The following SEC62 variants were observed in gnomAD, a reference collection of about 807,000 sequenced individuals.
The protein encoded by SEC62 is translocation protein SEC62.
Under a neutral mutation model 47.5 loss-of-function variants are expected in SEC62, and 10 were observed. That is an observed-to-expected ratio of 0.21 (90% confidence interval 0.13 to 0.36). The LOEUF (loss-of-function observed/expected upper bound fraction) is 0.36, where lower values mean the gene tolerates loss of function less well. SEC62 is among the 10% of genes least tolerant of loss of function. The pLI, the probability that SEC62 is intolerant of heterozygous loss-of-function variation, is 1.00. For synonymous variants in SEC62, 136 were observed against 150.5 expected, an observed-to-expected ratio of 0.90 and a Z score of 0.71; for missense variants, 327 against 464.1, an observed-to-expected ratio of 0.70 and a Z score of 2.71.
intron 1 of SEC62, among the ~76,000 whole-genome samples, chr3:169,970,249 ATT>A (rs1036810233): frequency 1.4e-4 from 21 of 152,184 alleles, no homozygotes; most frequent in African/African-American, 4.8e-4. Flanking sequence ...TGTAGCACAT[ATT>A]GTTACTAATG....
intron 1 of SEC62, among the ~76,000 whole-genome samples, chr3:169,971,966 TA>T (rs1303911452): frequency 1.3e-5 from 2 of 152,274 alleles, no homozygotes; most frequent in African/African-American, 4.8e-5. Flanking sequence ...CCATTTTATT[TA>T]TCCTTTATCA....
intron 1 of SEC62, among the ~76,000 whole-genome samples, chr3:169,969,732 G>C (rs1013668776): frequency 2.6e-5 from 4 of 152,140 alleles, no homozygotes; most frequent in African/African-American, 4.8e-5. Context: ...TAAAAAATAA[G>C]TTGCTTTGAA....
At chr3:169,980,757 TAGCC>T (rs766392163) in intron 3 of SEC62, among the ~76,000 whole-genome samples, 1 of 152,258 alleles carries the variant, frequency 6.6e-6, no homozygotes, top group Non-Finnish European at 1.5e-5. Context: ...GCTTCGTAGA[TAGCC>T]AGCCACATTA....
At chr3:169,985,765 A>G (rs1383710518) in intron 5 of SEC62, 40 bp from the exon 6 acceptor site, 6 of 1,539,570 alleles carry the variant, frequency 3.9e-6, no homozygotes, top group Non-Finnish European at 5.4e-6. Context: ...CTAATGTGAC[A>G]TTAGAACTTT....
chr3:169,972,381 C>CT (rs1267823390), intron 1 of SEC62, among the ~76,000 whole-genome samples: 3 of 152,040 alleles, frequency 2.0e-5, no homozygotes, highest in Non-Finnish European at 4.4e-5. Context: ...ATCTTTCAAA[C>CT]TTTATCTTCC....
intron 1 of SEC62, among the ~76,000 whole-genome samples, chr3:169,969,805 C>A (rs567908164): frequency 3.3e-5 from 5 of 152,174 alleles, no homozygotes; most frequent in Non-Finnish European, 7.4e-5. Flanking sequence ...CATGACTTGT[C>A]CTTGCTAAAG....
chr3:169,989,189 G>A (rs1024185852), intron 7 of SEC62, among the ~76,000 whole-genome samples: 6 of 149,494 alleles, frequency 4.0e-5, no homozygotes, highest in Admixed American at 1.4e-4. Flanking sequence ...GAATTCCTGG[G>A]CTTAAGCAAT....
At chr3:169,980,386 G>A (rs1714941766) in intron 3 of SEC62, among the ~76,000 whole-genome samples, 1 of 151,850 alleles carries the variant, frequency 6.6e-6, no homozygotes, top group African/African-American at 2.4e-5. Context: ...TGTGTTCTAT[G>A]TCATGGGTTT....
At chr3:169,988,792 G>T (rs1205198792) in intron 7 of SEC62, among the ~76,000 whole-genome samples, 1 of 152,230 alleles carries the variant, frequency 6.6e-6, no homozygotes, top group East Asian at 1.9e-4. Context: ...GCAAATAGAT[G>T]TGCTTTAAAA....
chr3:169,968,193 G>C (rs1714604116), intron 1 of SEC62, among the ~76,000 whole-genome samples: 1 of 152,114 alleles, frequency 6.6e-6, no homozygotes, highest in Non-Finnish European at 1.5e-5. Flanking sequence ...TATTTTATTA[G>C]ATTGTATATT....
intron 1 of SEC62, among the ~76,000 whole-genome samples, chr3:169,973,324 TC>T (rs1218951591): frequency 6.6e-6 from 1 of 152,190 alleles, no homozygotes; most frequent in East Asian, 1.9e-4. Flanking sequence ...TTGTAGTTGT[TC>T]CTGAACTTGG....
At chr3:169,991,823 T>C (rs966737961) in intron 7 of SEC62, among the ~76,000 whole-genome samples, 3 of 152,206 alleles carry the variant, frequency 2.0e-5, no homozygotes, top group Non-Finnish European at 2.9e-5. Flanking sequence ...AAGATACATA[T>C]AGGGGTCCAC....
At chr3:169,976,340 C>T (rs1297589634) in intron 2 of SEC62, among the ~76,000 whole-genome samples, 1 of 152,030 alleles carries the variant, frequency 6.6e-6, no homozygotes, top group East Asian at 1.9e-4. Flanking sequence ...TGTACTCCAG[C>T]CTGGGTGACA....
chr3:169,979,940 C>T (rs1468615849), intron 3 of SEC62, among the ~76,000 whole-genome samples: 4 of 151,872 alleles, frequency 2.6e-5, no homozygotes, highest in African/African-American at 9.7e-5. Flanking sequence ...TGGTGGAAGT[C>T]CCCAACATGT....
rs17289494 is a variant in SEC62 at position 169,969,489 on chromosome 3, A to G, written c.36+2631A>G. On this transcript the variant is annotated intron_variant, in intron 1 of 7. Transcript: ENST00000337002. Reference sequence around the variant, plus strand: ...GGTATCAAGAAATTTTAGAGTTTAAAAGGATCTAGTAGGGTTTGTTTGGAA... The same window carrying G: ...GGTATCAAGAAATTTTAGAGTTTAAGAGGATCTAGTAGGGTTTGTTTGGAA... 4.5e-3 allele frequency: 1,784 copies of G among 397,230 alleles called. 58 individuals are homozygous for G. The Admixed American group carries it at 0.045, about 10-fold the overall frequency. The allele number at this position is 397,230 out of a possible 1,614,324, so 24.6% of individuals were successfully genotyped here. A position where few individuals can be genotyped will look rare whatever the true frequency, so the allele number is the denominator to read the frequency against.
At chr3:169,975,986 C>T (rs567661355) in intron 2 of SEC62, among the ~76,000 whole-genome samples, 1 of 152,084 alleles carries the variant, frequency 6.6e-6, no homozygotes, top group Non-Finnish European at 1.5e-5. Flanking sequence ...AGATAGTATG[C>T]GTACTTGGAA....
At chr3:169,975,751 A>G (rs1380989271) in intron 2 of SEC62, 35 bp downstream of exon 2, 2 of 1,406,896 alleles carry the variant, frequency 1.4e-6, no homozygotes, top group Admixed American at 1.7e-5. Context: ...ATTAGTGTAC[A>G]TATGTTATGA....
chr3:169,984,805 A>G lies in SEC62; in HGVS notation c.550-1000A>G, dbSNP rs1371616877. The stretch of plus-strand genomic sequence containing the variant: ...GGAAAGACAATAAAGAGTTCTGGTC[A>G]ATATAGAAATAAGAGGGAAGAGTAC... On this transcript the variant is annotated intron_variant, in intron 5 of 7. Coordinates refer to ENST00000337002, the MANE Select transcript of SEC62 (RefSeq NM_003262.4). Among the ~76,000 whole-genome samples the G allele has an allele frequency of 2.6e-5, 4 of 152,190 alleles. No homozygotes were observed. In the East Asian group the frequency reaches 7.7e-4, roughly 29 times the overall value.
Position 169,982,896 on chromosome 3 carries a change from G to A in SEC62, c.441G>A (p.Lys147=). 1 of 1,563,720 alleles carries A rather than the reference G, an allele frequency of 6.4e-7. No homozygotes were observed. The highest frequency in any genetic ancestry group is 1.2e-5 in the South Asian group (1 of 82,168). The change falls in exon 4 of 8, where the codon AAG becomes AAA. Residue 147 remains lysine (K), a synonymous_variant. Coordinates refer to ENST00000337002, the MANE Select transcript of SEC62 (RefSeq NM_003262.4). ...KEKEKKKDGE[K]EESKKEETPG... The stretch of plus-strand genomic sequence containing the variant: ...AAGAGAAAAAAAAAGATGGTGAAAA[G>A]GAAGAATCCAAAAAGGTGAGTTAAT...
Sources: allele counts gnomAD v4.1 joint callset (sites outside exome capture counted in the v4.1 genomes callset), GRCh38; gene constraint gnomAD v4.1.1; transcripts MANE v1.5; gene names NCBI Gene and HGNC (gene_info 2026-07-23, HGNC 2026-07-21).